CADM1: variants seen among roughly 807,000 people sequenced by gnomAD.
The protein encoded by CADM1 is cell adhesion molecule 1, also known as TSLC-1.
In CADM1, 15 loss-of-function variants were observed where a neutral mutation model predicts 53.1. The observed-to-expected ratio is 0.28, with a 90% CI of 0.19 to 0.44. The LOEUF (loss-of-function observed/expected upper bound fraction) is 0.44. Ranked by LOEUF, CADM1 falls within the 20% of genes least tolerant of loss-of-function variation. The pLI is 1.00. For missense variants in CADM1, 434 were observed against 611.3 expected (o/e 0.71, Z 3.06); for synonymous variants, 281 against 243.0 (o/e 1.16, Z -1.45).
intron 1 of CADM1, among the ~76,000 whole-genome samples, chr11:115,476,354 ATCCACGATCATT>A (rs1365770756): frequency 6.6e-6 from 1 of 152,230 alleles, no homozygotes; most frequent in East Asian, 1.9e-4. Context: ...AGACCAGATA[ATCCACGATCATT>A]TCCATGTGGT....
chr11:115,229,058 A>G (rs1591625074), intron 5 of CADM1, 55 bp downstream of exon 5: 1 of 1,556,934 alleles, frequency 6.4e-7, no homozygotes, highest in East Asian at 2.2e-5. Context: ...GCTTCTGAAG[A>G]GTTTCTATGT....
chr11:115,176,012 G>C lies in CADM1; in HGVS notation c.*462C>G. The C allele has an allele frequency of 3.8e-6, 4 of 1,043,016 alleles. No individual in the cohort carries two copies. Among genetic ancestry groups the C allele is most frequent in the Non-Finnish European group, 2.3e-6 (2 of 865,446 alleles). The allele number at this position is 1,043,016 out of a possible 1,614,324, so 64.6% of individuals were successfully genotyped here. ...GCAGTTACCATAAAAATAAACAAAA[G>C]TAAAAAACTAGAACAGAAAAGGGAA... is the stretch of plus-strand genomic sequence containing the variant. On this transcript the variant is annotated 3_prime_UTR_variant, in exon 12 of 12. Coordinates refer to ENST00000331581, the MANE Select transcript of CADM1 (RefSeq NM_001301043.2).
chr11:115,326,700 G>A (rs912499838), intron 1 of CADM1, among the ~76,000 whole-genome samples: 1 of 152,066 alleles, frequency 6.6e-6, no homozygotes, highest in Non-Finnish European at 1.5e-5. Flanking sequence ...ATGTCAGTTG[G>A]TAGCACTTAA....
intron 10 of CADM1, among the ~76,000 whole-genome samples, chr11:115,187,490 G>A (rs1166704291): frequency 1.3e-5 from 2 of 152,102 alleles, no homozygotes; most frequent in African/African-American, 4.8e-5. Context: ...GTACAGCGGC[G>A]TCATCTCGGC....
intron 1 of CADM1, among the ~76,000 whole-genome samples, chr11:115,265,602 C>T (rs1335142498): frequency 1.3e-5 from 2 of 152,190 alleles, no homozygotes; most frequent in African/African-American, 2.4e-5. Context: ...CCATTGAATA[C>T]ACCTACCTGT....
At chr11:115,447,132 GAATA>G (rs777497371) in intron 1 of CADM1, among the ~76,000 whole-genome samples, 7 of 152,128 alleles carry the variant, frequency 4.6e-5, no homozygotes, top group South Asian at 4.1e-4. Flanking sequence ...ACTAAATAAT[GAATA>G]AATAGTGATC....
At chr11:115,429,046 T>C (rs1947971868) in intron 1 of CADM1, among the ~76,000 whole-genome samples, 1 of 152,166 alleles carries the variant, frequency 6.6e-6, no homozygotes, top group Non-Finnish European at 1.5e-5. Flanking sequence ...TAAGTGCTAC[T>C]GAAGTCATGG....
chr11:115,369,026 T>TAAAAAGAAAAAA (rs1946244316), intron 1 of CADM1, among the ~76,000 whole-genome samples: 1 of 44,748 alleles, frequency 2.2e-5, no homozygotes, highest in African/African-American at 8.4e-5. Context: ...AAAAAAAATC[T>TAAAAAGAAAAAA]AAAAAAAAAA....
chr11:115,307,213 C>T (rs142681090), intron 1 of CADM1, among the ~76,000 whole-genome samples: 309 of 151,956 alleles, frequency 2.0e-3, no homozygotes, highest in African/African-American at 6.8e-3. Flanking sequence ...TGCCCCTAAC[C>T]CATTTAAAAG....
intron 1 of CADM1, among the ~76,000 whole-genome samples, chr11:115,309,394 A>G (rs1489496975): frequency 6.6e-6 from 1 of 152,162 alleles, no homozygotes; most frequent in Non-Finnish European, 1.5e-5. Context: ...CTGTCAAAGT[A>G]AAAATGAAAA....
At chr11:115,486,185 C>T (rs976007333) in intron 1 of CADM1, among the ~76,000 whole-genome samples, 1 of 152,178 alleles carries the variant, frequency 6.6e-6, no homozygotes, top group Non-Finnish European at 1.5e-5. Flanking sequence ...TAACCAATCT[C>T]TCCATTTCTA....
intron 10 of CADM1, among the ~76,000 whole-genome samples, chr11:115,188,715 G>A (rs377529246): frequency 1.3e-5 from 2 of 152,258 alleles, no homozygotes; most frequent in Middle Eastern, 3.4e-3. Context: ...TTTAAGACGG[G>A]TGTTAACCGG....
At chr11:115,395,807 C>T (rs773801544) in intron 1 of CADM1, among the ~76,000 whole-genome samples, 6 of 152,136 alleles carry the variant, frequency 3.9e-5, no homozygotes, top group Non-Finnish European at 7.4e-5. Flanking sequence ...AAAAAAGACT[C>T]ACTGTAGCTA....
At chr11:115,232,383 T>C (rs1469219732) in intron 3 of CADM1, among the ~76,000 whole-genome samples, 1 of 152,208 alleles carries the variant, frequency 6.6e-6, no homozygotes, top group Non-Finnish European at 1.5e-5. Flanking sequence ...GATAATGTAG[T>C]AATAAAGTCC....
chr11:115,280,682 C>T (rs1943562859), intron 1 of CADM1, among the ~76,000 whole-genome samples: 1 of 152,234 alleles, frequency 6.6e-6, no homozygotes, highest in African/African-American at 2.4e-5. Flanking sequence ...CTCAGATCTT[C>T]ACAGATCCGT....
intron 1 of CADM1, chr11:115,396,699 C>T (rs924254627): frequency 6.6e-5 from 10 of 152,210 alleles, no homozygotes; most frequent in African/African-American, 2.4e-4. Context: ...AGGCTGACAT[C>T]ATAAACACCA....
intron 1 of CADM1, among the ~76,000 whole-genome samples, chr11:115,286,836 T>C (rs2135096574): frequency 6.6e-6 from 1 of 152,192 alleles, no homozygotes; most frequent in Non-Finnish European, 1.5e-5. Context: ...TTGCCGCACC[T>C]CCTGTCACAT....
chr11:115,229,918 G>A (rs11602686), intron 4 of CADM1, among the ~76,000 whole-genome samples: 52,779 of 152,078 alleles, frequency 0.35, 11,070 homozygotes, highest in Non-Finnish European at 0.47. Flanking sequence ...ACAGGGCTTG[G>A]GGCCAGATGG....
At chr11:115,443,828 A>C (rs1456775000) in intron 1 of CADM1, among the ~76,000 whole-genome samples, 1 of 152,228 alleles carries the variant, frequency 6.6e-6, no homozygotes, top group Non-Finnish European at 1.5e-5. Flanking sequence ...GGGAACATGA[A>C]GATGAAGTCC....
Sources: allele counts gnomAD v4.1 joint callset (sites outside exome capture counted in the v4.1 genomes callset), GRCh38; gene constraint gnomAD v4.1.1; transcripts MANE v1.5; gene names NCBI Gene and HGNC (gene_info 2026-07-23, HGNC 2026-07-21).